Variants in TIMP2 observed in about 807,000 individuals in gnomAD.
TIMP2 encodes the protein TIMP metallopeptidase inhibitor 2, also known as metalloproteinase inhibitor 2.
In TIMP2, 5 loss-of-function variants were observed where a neutral mutation model predicts 24.3. The observed-to-expected ratio is 0.21, with a 90% CI of 0.11 to 0.43. The LOEUF (loss-of-function observed/expected upper bound fraction) is 0.43, where lower values mean the gene tolerates loss of function less well. TIMP2 is among the 20% of genes least tolerant of loss of function. The probability of loss-of-function intolerance (pLI) is 1.00; values close to 1 mark genes in which losing one functional copy is unlikely to be tolerated. For missense variants in TIMP2, 221 were observed against 297.5 expected, an observed-to-expected ratio of 0.74 and a Z score of 1.89; for synonymous variants, 130 against 123.2, an observed-to-expected ratio of 1.06 and a Z score of -0.37.
At chr17:78,880,990 G>C (rs1475236053) in intron 1 of TIMP2, among the ~76,000 whole-genome samples, 2 of 152,190 alleles carry the variant, frequency 1.3e-5, no homozygotes, top group Non-Finnish European at 2.9e-5. Context: ...GCTACGGGAC[G>C]TGCTCAGGCA....
chr17:78,879,462 C>G (rs919212176), intron 1 of TIMP2, among the ~76,000 whole-genome samples: 1 of 152,170 alleles, frequency 6.6e-6, no homozygotes, highest in East Asian at 1.9e-4. Context: ...GGCACAGACA[C>G]GTTTACTGAA....
At chr17:78,901,614 T>A (rs1335620081) in intron 1 of TIMP2, among the ~76,000 whole-genome samples, 4 of 151,780 alleles carry the variant, frequency 2.6e-5, no homozygotes, top group African/African-American at 9.7e-5. Flanking sequence ...AATGGCAGAG[T>A]ATGGTGCTTA....
At chr17:78,893,781 G>A (rs1599163369) in intron 1 of TIMP2, among the ~76,000 whole-genome samples, 2 of 152,072 alleles carry the variant, frequency 1.3e-5, no homozygotes, top group Non-Finnish European at 2.9e-5. Context: ...AATGATCAGA[G>A]AAGGACTCTT....
At chr17:78,879,026 C>T (rs2069754752) in intron 1 of TIMP2, among the ~76,000 whole-genome samples, 3 of 152,336 alleles carry the variant, frequency 2.0e-5, no homozygotes, top group South Asian at 4.1e-4. Context: ...GATCGGTGCA[C>T]ACCAGTTGGC....
chr17:78,853,907 C>A lies in TIMP2; in HGVS notation c.*1760G>T, dbSNP rs903209901. 4 of 152,334 alleles carry A rather than the reference C, an allele frequency of 2.6e-5. No individual in the cohort carries two copies. The highest frequency in any genetic ancestry group is 4.4e-5 in the Non-Finnish European group (3 of 68,060). The allele number at this position is 152,334 out of a possible 1,614,324, so 9.4% of individuals were successfully genotyped here. A position where few individuals can be genotyped will look rare whatever the true frequency, so the allele number is the denominator to read the frequency against. Reference sequence around the variant, plus strand: ...CTGGTGGAGTTGTATATACTGAAATCACATGGACTGGTCCATTATGACATC... The same window carrying A: ...CTGGTGGAGTTGTATATACTGAAATAACATGGACTGGTCCATTATGACATC... On this transcript the variant is annotated 3_prime_UTR_variant, in exon 5 of 5. Transcript: ENST00000262768.
chr17:78,896,610 T>C lies in TIMP2; in HGVS notation c.131-22691A>G, dbSNP rs58834081. On this transcript the variant is annotated intron_variant, in intron 1 of 4. Coordinates refer to ENST00000262768, the MANE Select transcript of TIMP2 (RefSeq NM_003255.5). The surrounding 1 kb of genome is among the most constrained non-coding windows in gnomAD (Gnocchi z 4.4). ...GCTGCTTTGGTGTTTTCTACTCCCC[T>C]GCTGCCCTCTGGTCCTGCCACCCCG... Among the ~76,000 whole-genome samples, 12,639 of 152,170 alleles carry C rather than the reference T, an allele frequency of 0.083. 767 individuals carry two copies. Among genetic ancestry groups the C allele is most frequent in the African/African-American group, 0.18 (7,319 of 41,490 alleles).
At chr17:78,863,522 G>A (rs1254435767) in intron 3 of TIMP2, among the ~76,000 whole-genome samples, 2 of 152,178 alleles carry the variant, frequency 1.3e-5, no homozygotes, top group Admixed American at 6.5e-5. Flanking sequence ...GATCACAGGC[G>A]TCAGCCACTG....
Position 78,924,564 on chromosome 17 carries a change from C to A in TIMP2, c.130+395G>T, listed in dbSNP as rs570496532. Reference sequence around the variant, plus strand: ...AGAAGCCCAACTCCCACCTTATCTGCGAAAGTTTCTTCCTGGGGTCCCCAG... The same window carrying A: ...AGAAGCCCAACTCCCACCTTATCTGAGAAAGTTTCTTCCTGGGGTCCCCAG... On this transcript the variant is annotated intron_variant, in intron 1 of 4. Coordinates refer to ENST00000262768, the MANE Select transcript of TIMP2 (RefSeq NM_003255.5). This position sits in a 1 kb window ranked among gnomAD's most constrained non-coding sequence, Gnocchi z 5.3. Among the ~76,000 whole-genome samples, 5 of 152,196 alleles carry A rather than the reference C, an allele frequency of 3.3e-5. No individual in the cohort carries two copies. The South Asian group carries it at 1.0e-3, about 32-fold the overall frequency.
At position 78,894,437 on chromosome 17, in the gene TIMP2, C is replaced by T. The variant is rs186965635; in HGVS notation, c.131-20518G>A. 2.8e-4 allele frequency among the ~76,000 whole-genome samples: 42 copies of T among 152,114 alleles called. 1 individual carries two copies. Among genetic ancestry groups the T allele is most frequent in the African/African-American group, 1.0e-3 (42 of 41,470 alleles). ...AATAGTGGTTAATATTATATTTAGCCAGATCTGCCAACCACCATGATGATC... is the reference window on the plus strand; with the variant it reads ...AATAGTGGTTAATATTATATTTAGCTAGATCTGCCAACCACCATGATGATC... On this transcript the variant is annotated intron_variant, in intron 1 of 4. Coordinates refer to ENST00000262768, the MANE Select transcript of TIMP2 (RefSeq NM_003255.5).
chr17:78,881,718 T>G (rs1315696966), intron 1 of TIMP2, among the ~76,000 whole-genome samples: 1 of 152,258 alleles, frequency 6.6e-6, no homozygotes, highest in Non-Finnish European at 1.5e-5. Context: ...CCAATGGCAG[T>G]TGCAGGTGGA....
At chr17:78,900,321 G>A (rs2070070863) in intron 1 of TIMP2, among the ~76,000 whole-genome samples, 1 of 152,128 alleles carries the variant, frequency 6.6e-6, no homozygotes, top group Non-Finnish European at 1.5e-5. Flanking sequence ...TGAGGTGGCT[G>A]GATCACCTCA....
rs2069898047 is a variant in TIMP2, at chr17:78,891,689, C to A, written c.131-17770G>T. The A allele has an allele frequency of 6.4e-7, 1 of 1,551,024 alleles. No homozygotes were observed. Among genetic ancestry groups the A allele is most frequent in the Non-Finnish European group, 8.7e-7 (1 of 1,147,120 alleles). On this transcript the variant is annotated intron_variant, in intron 1 of 4. Transcript: ENST00000262768. This position sits in a 1 kb window ranked among gnomAD's most constrained non-coding sequence, Gnocchi z 4.5. ...TTGCCTCCTCCCCGCCCGAGCTGTT[C>A]CTTTCTCTTTTTCCTCCACAAGCCC...
chr17:78,891,317 G>A lies in TIMP2; in HGVS notation c.131-17398C>T. Reference sequence around the variant, plus strand: ...CCCGGCAGGCAGCATCTCTGGGTCTGCCATTTTCTTCCCTCTTGGGGTCCC... The same window carrying A: ...CCCGGCAGGCAGCATCTCTGGGTCTACCATTTTCTTCCCTCTTGGGGTCCC... On this transcript the variant is annotated intron_variant, in intron 1 of 4. Coordinates refer to ENST00000262768, the MANE Select transcript of TIMP2 (RefSeq NM_003255.5). This position sits in a 1 kb window ranked among gnomAD's most constrained non-coding sequence, Gnocchi z 4.5. 7 of 1,550,370 alleles carry A rather than the reference G, an allele frequency of 4.5e-6. No homozygotes were observed. Among genetic ancestry groups the A allele is most frequent in the Non-Finnish European group, 6.1e-6 (7 of 1,146,930 alleles).
At chr17:78,918,945 A>G (rs142528475) in intron 1 of TIMP2, among the ~76,000 whole-genome samples, 2 of 151,038 alleles carry the variant, frequency 1.3e-5, no homozygotes, top group African/African-American at 4.9e-5. Flanking sequence ...GCACCACTGC[A>G]CTCCAGCCTG....
intron 1 of TIMP2, among the ~76,000 whole-genome samples, chr17:78,922,020 C>A (rs570096455): frequency 2.0e-5 from 3 of 152,304 alleles, no homozygotes. Flanking sequence ...CCACTGTACC[C>A]CCTTTCTGAG....
Position 78,853,125 on chromosome 17 carries a change from G to C in TIMP2, c.*2542C>G, listed in dbSNP as rs2069497572. On this transcript the variant is annotated 3_prime_UTR_variant, in exon 5 of 5. Transcript: ENST00000262768. ...GGAAGGTCTCAGACTTCATATTCCA[G>C]CATAAACACAGTGCTCCCCTCCCCC... The C allele has an allele frequency of 6.6e-6, 1 of 152,570 alleles. No individual in the cohort carries two copies. Among genetic ancestry groups the C allele is most frequent in the South Asian group, 2.1e-4 (1 of 4,828 alleles). 9.5% of individuals were successfully genotyped at this position (152,570 alleles called of 1,614,324 possible). A position where few individuals can be genotyped will look rare whatever the true frequency, so the allele number is the denominator to read the frequency against.
intron 1 of TIMP2, among the ~76,000 whole-genome samples, chr17:78,903,526 A>G (rs904489424): frequency 3.3e-5 from 5 of 152,176 alleles, no homozygotes; most frequent in Non-Finnish European, 5.9e-5. Flanking sequence ...GTACACTTCA[A>G]GGTCAGGGTT....
At chr17:78,915,828 C>A (rs1397097891) in intron 1 of TIMP2, among the ~76,000 whole-genome samples, 1 of 152,174 alleles carries the variant, frequency 6.6e-6, no homozygotes, top group Non-Finnish European at 1.5e-5. Context: ...GCCTAAAAAC[C>A]ATCTCTTCTT....
At chr17:78,917,095 A>T (rs992034653) in intron 1 of TIMP2, among the ~76,000 whole-genome samples, 2 of 152,158 alleles carry the variant, frequency 1.3e-5, no homozygotes, top group African/African-American at 4.8e-5. Flanking sequence ...TACTAAAAAT[A>T]CAAAAAATTA....
Sources: gnomAD v4.1 joint callset for allele counts (sites outside exome capture counted in the v4.1 genomes callset) on GRCh38, gnomAD v4.1.1 for gene constraint, Gnocchi (gnomAD v3.1) non-coding constraint, MANE v1.5 for transcripts, NCBI Gene and HGNC (gene_info 2026-07-23, HGNC 2026-07-21) for gene names.